The following HMGCLL1 variants were observed in gnomAD, a reference collection of about 807,000 sequenced individuals.
HMGCLL1 encodes 3-hydroxy-3-methylglutaryl-CoA lyase like 1.
HMGCLL1 carries 36 observed loss-of-function variants against 39.1 expected under a neutral mutation model. The observed-to-expected ratio is 0.92, with a 90% CI of 0.71 to 1.22. The LOEUF (loss-of-function observed/expected upper bound fraction) is 1.22, where lower values mean the gene tolerates loss of function less well. Ranked by LOEUF, HMGCLL1 falls within the 50% of genes most tolerant of loss-of-function variation. The pLI, the probability that HMGCLL1 is intolerant of heterozygous loss-of-function variation, is 0.00. For missense variants in HMGCLL1, 451 were observed against 416.5 expected (o/e 1.08, Z -0.72); for synonymous variants, 149 against 144.0 (o/e 1.03, Z -0.25).
chr6:55,553,362 C>G (rs1770471896), intron 1 of HMGCLL1, among the ~76,000 whole-genome samples: 1 of 151,484 alleles, frequency 6.6e-6, no homozygotes, highest in Non-Finnish European at 1.5e-5. Flanking sequence ...TGCTTGAACC[C>G]AGGAGGCGGA....
the HMGCLL1 span, among the ~76,000 whole-genome samples, chr6:55,634,049 C>CT: frequency 2.0e-5 from 3 of 150,392 alleles, no homozygotes; most frequent in African/African-American, 4.9e-5. Flanking sequence ...TTTGACATCA[C>CT]TTTTTTTTTA....
chr6:55,577,735 A>G (rs1471774379), intron 1 of HMGCLL1, among the ~76,000 whole-genome samples: 2 of 152,220 alleles, frequency 1.3e-5, no homozygotes, highest in Non-Finnish European at 2.9e-5. Context: ...TAAATAACAG[A>G]CTGAATTTAA....
upstream of HMGCLL1, among the ~76,000 whole-genome samples, chr6:55,581,633 A>C (rs554449515): frequency 6.6e-6 from 1 of 152,178 alleles, no homozygotes; most frequent in African/African-American, 2.4e-5. Flanking sequence ...ATAAAATGAG[A>C]ATAAAAAGAA....
chr6:55,666,649 T>C, the HMGCLL1 span, among the ~76,000 whole-genome samples: 12 of 151,728 alleles, frequency 7.9e-5, no homozygotes, highest in African/African-American at 2.9e-4. Context: ...CATGGAGGAC[T>C]CACACAGATA....
the HMGCLL1 span, among the ~76,000 whole-genome samples, chr6:55,657,050 G>GT: frequency 2.6e-5 from 4 of 151,570 alleles, no homozygotes; most frequent in African/African-American, 7.3e-5. Context: ...GGGTTTTGTT[G>GT]TTTTTTTTCT....
rs965819349 is a variant in HMGCLL1 at position 55,435,158 on chromosome 6, A to C, written c.*504T>G. On this transcript the variant is annotated 3_prime_UTR_variant, in exon 9 of 9. Transcript: ENST00000274901. ...AAAAGTTCTATTGCTAAAATTATGT[A>C]GGGTCAGATGGAGATTTGGCTTTTG... 6 of 152,606 alleles carry C rather than the reference A, an allele frequency of 3.9e-5. No homozygotes were observed. Among genetic ancestry groups the C allele is most frequent in the African/African-American group, 1.4e-4 (6 of 41,462 alleles). 9.5% of individuals were successfully genotyped at this position (152,606 alleles called of 1,614,324 possible). A position where few individuals can be genotyped will look rare whatever the true frequency, so the allele number is the denominator to read the frequency against.
intron 7 of HMGCLL1, among the ~76,000 whole-genome samples, chr6:55,472,123 A>G (rs1047046066): frequency 1.3e-5 from 2 of 151,672 alleles, no homozygotes; most frequent in Non-Finnish European, 3.0e-5. Context: ...TCTTGAACAT[A>G]TCTTTTGGTG....
chr6:55,628,010 CTA>C, the HMGCLL1 span, among the ~76,000 whole-genome samples: 1 of 11,200 alleles, frequency 8.9e-5, no homozygotes, highest in Non-Finnish European at 1.4e-4. Flanking sequence ...TAGTTATATA[CTA>C]TATATATAAT....
chr6:55,471,483 G>A (rs1269906569), intron 7 of HMGCLL1, among the ~76,000 whole-genome samples: 1 of 151,740 alleles, frequency 6.6e-6, no homozygotes, highest in Non-Finnish European at 1.5e-5. Context: ...AATAGTATGT[G>A]AGAGTTTCTG....
chr6:55,658,155 G>T, the HMGCLL1 span, among the ~76,000 whole-genome samples: 1 of 151,812 alleles, frequency 6.6e-6, no homozygotes, highest in Non-Finnish European at 1.5e-5. Context: ...GAGGACAAAA[G>T]GTTGATTTGA....
the HMGCLL1 span, among the ~76,000 whole-genome samples, chr6:55,613,179 T>A: frequency 6.6e-5 from 10 of 151,952 alleles, no homozygotes; most frequent in African/African-American, 2.4e-4. Flanking sequence ...ATGCAGCCAA[T>A]AGACATATGA....
intron 1 of HMGCLL1, among the ~76,000 whole-genome samples, chr6:55,578,417 G>A (rs1272545113): frequency 6.6e-6 from 1 of 152,126 alleles, no homozygotes; most frequent in Non-Finnish European, 1.5e-5. Flanking sequence ...GTCTGAAATT[G>A]CTGTTATTTA....
the HMGCLL1 span, among the ~76,000 whole-genome samples, chr6:55,635,768 C>T: frequency 3.9e-5 from 6 of 152,216 alleles, no homozygotes; most frequent in African/African-American, 1.4e-4. Flanking sequence ...GGACAGAGGG[C>T]ATAAAAGAAA....
At chr6:55,564,965 G>T (rs1771143561) in intron 1 of HMGCLL1, among the ~76,000 whole-genome samples, 1 of 151,954 alleles carries the variant, frequency 6.6e-6, no homozygotes, top group East Asian at 1.9e-4. Flanking sequence ...ATGAATTAAT[G>T]ATAGAAGTTG....
intron 5 of HMGCLL1, among the ~76,000 whole-genome samples, chr6:55,507,438 C>T (rs993723083): frequency 1.1e-4 from 17 of 151,708 alleles, no homozygotes; most frequent in African/African-American, 2.4e-5. Context: ...CTAAACCCAA[C>T]TCAATATCTG....
At chr6:55,529,203 C>T (rs866038655) in intron 3 of HMGCLL1, among the ~76,000 whole-genome samples, 4 of 152,030 alleles carry the variant, frequency 2.6e-5, no homozygotes, top group African/African-American at 9.7e-5. Context: ...TCTCAAAGCT[C>T]CCAGTATAAT....
chr6:55,627,838 G>T, the HMGCLL1 span, among the ~76,000 whole-genome samples: 4,749 of 114,754 alleles, frequency 0.041, 188 homozygotes, highest in Non-Finnish European at 0.059. Context: ...ACAGCTTATT[G>T]TGGGACCTTG....
At chr6:55,629,998 C>T in the HMGCLL1 span, among the ~76,000 whole-genome samples, 28 of 152,310 alleles carry the variant, frequency 1.8e-4, no homozygotes, top group African/African-American at 6.5e-4. Context: ...CACACAGTGT[C>T]CCTATTGGGG....
chr6:55,534,974 A>G (rs1481759006), intron 3 of HMGCLL1, among the ~76,000 whole-genome samples: 1 of 152,238 alleles, frequency 6.6e-6, no homozygotes, highest in Admixed American at 6.5e-5. Flanking sequence ...TCTATGGTTC[A>G]TGCCATTTAA....
Sources: gnomAD v4.1 joint callset for allele counts (sites outside exome capture counted in the v4.1 genomes callset) on GRCh38, gnomAD v4.1.1 for gene constraint, MANE v1.5 for transcripts, NCBI Gene and HGNC (gene_info 2026-07-23, HGNC 2026-07-21) for gene names.